Variants in STEAP1B observed in about 807,000 individuals in gnomAD.
The protein encoded by STEAP1B is STEAP family protein MGC87042.
STEAP1B carries 13 observed loss-of-function variants against 27.9 expected under a neutral mutation model. The observed-to-expected ratio is 0.47, with a 90% CI of 0.30 to 0.74. The LOEUF is 0.74. Among genes scored for constraint, STEAP1B ranks in the 30% least tolerant of loss-of-function variants. STEAP1B has a pLI of 0.06. For missense variants in STEAP1B, 250 were observed against 298.7 expected (o/e 0.84, Z 1.20); for synonymous variants, 86 against 107.1 (o/e 0.80, Z 1.22).
At position 22,419,907 on chromosome 7, in the gene STEAP1B, T is replaced by C. The variant is rs932564243; in HGVS notation, c.763-71A>G. 13 of 1,468,942 alleles carry C rather than the reference T, an allele frequency of 8.8e-6. No individual in the cohort carries two copies. The African/African-American group carries it at 1.1e-4, about 13-fold the overall frequency. 91.0% of individuals were successfully genotyped at this position (1,468,942 alleles called of 1,614,324 possible). A position where few individuals can be genotyped will look rare whatever the true frequency, so the allele number is the denominator to read the frequency against. ...CTATCACTATATTAATTTGCGTCCA[T>C]TTTATTATGGAAAACATGAGAAATT... On this transcript the variant is annotated intron_variant, in intron 4 of 4. Coordinates refer to ENST00000678116, the MANE Select transcript of STEAP1B (RefSeq NM_001382447.1).
At chr7:22,433,777 T>G (rs1309973237) in intron 4 of STEAP1B, among the ~76,000 whole-genome samples, 1 of 152,214 alleles carries the variant, frequency 6.6e-6, no homozygotes, top group Non-Finnish European at 1.5e-5. Flanking sequence ...GTCCTTGAAC[T>G]GGTATAACTG....
At chr7:22,439,427 G>A (rs1392758653) in intron 4 of STEAP1B, among the ~76,000 whole-genome samples, 1 of 151,926 alleles carries the variant, frequency 6.6e-6, no homozygotes, top group Non-Finnish European at 1.5e-5. Context: ...TAGTTCCAAT[G>A]AAGATTTTTT....
At chr7:22,429,996 G>A (rs926063240) in intron 4 of STEAP1B, among the ~76,000 whole-genome samples, 1 of 152,114 alleles carries the variant, frequency 6.6e-6, no homozygotes, top group African/African-American at 2.4e-5. Flanking sequence ...TACCCTTGAG[G>A]GCAGAGGGCA....
intron 4 of STEAP1B, among the ~76,000 whole-genome samples, chr7:22,448,463 C>G (rs763510693): frequency 1.3e-5 from 2 of 152,006 alleles, no homozygotes; most frequent in African/African-American, 2.4e-5. Context: ...AGGGACCTCA[C>G]GCTTAAAAAT....
intron 4 of STEAP1B, among the ~76,000 whole-genome samples, chr7:22,469,056 G>A (rs1032025331): frequency 2.0e-5 from 3 of 152,068 alleles, no homozygotes; most frequent in Non-Finnish European, 4.4e-5. Context: ...TCCAGAAGAA[G>A]GAATTTTTAT....
At chr7:22,490,621 T>G (rs1786305274) in intron 4 of STEAP1B, among the ~76,000 whole-genome samples, 1 of 152,228 alleles carries the variant, frequency 6.6e-6, no homozygotes, top group Non-Finnish European at 1.5e-5. Context: ...GCACAACACC[T>G]AGGAGTGTTT....
intron 4 of STEAP1B, among the ~76,000 whole-genome samples, chr7:22,477,793 C>T (rs1416367846): frequency 1.3e-5 from 2 of 151,982 alleles, no homozygotes; most frequent in African/African-American, 4.8e-5. Context: ...GAAAAGTTAA[C>T]TTAAAAAGGC....
At chr7:22,469,998 G>A (rs900829022) in intron 4 of STEAP1B, among the ~76,000 whole-genome samples, 1 of 152,180 alleles carries the variant, frequency 6.6e-6, no homozygotes, top group African/African-American at 2.4e-5. Context: ...AAAGAGGTGT[G>A]CATAGACATA....
intron 3 of STEAP1B, 147 bp downstream of exon 3, chr7:22,493,177 G>T (rs1342903253): frequency 5.8e-6 from 6 of 1,035,634 alleles, no homozygotes; most frequent in Non-Finnish European, 8.1e-6. Context: ...AAGCCCTAGT[G>T]TAATTATAAG....
At chr7:22,472,181 A>T (rs985992462) in intron 4 of STEAP1B, among the ~76,000 whole-genome samples, 1 of 152,238 alleles carries the variant, frequency 6.6e-6, no homozygotes, top group Non-Finnish European at 1.5e-5. Flanking sequence ...TCCAGACATT[A>T]GGCCAACTTA....
intron 4 of STEAP1B, among the ~76,000 whole-genome samples, chr7:22,475,924 C>G (rs142403446): frequency 3.7e-4 from 57 of 152,322 alleles, no homozygotes; most frequent in Middle Eastern, 3.4e-3. Context: ...GTTCTCCTGT[C>G]CAGCCCACCA....
chr7:22,450,123 C>G (rs1183241937), intron 4 of STEAP1B, among the ~76,000 whole-genome samples: 2 of 152,084 alleles, frequency 1.3e-5, no homozygotes, highest in Non-Finnish European at 2.9e-5. Context: ...AGTACAGAAG[C>G]TTTTTAACTT....
intron 4 of STEAP1B, among the ~76,000 whole-genome samples, chr7:22,444,568 G>A (rs564123108): frequency 1.1e-4 from 17 of 152,162 alleles, no homozygotes; most frequent in Non-Finnish European, 2.2e-4. Flanking sequence ...ATGTCCCATC[G>A]GCTGCCCGGG....
chr7:22,436,646 T>C (rs753773791), intron 4 of STEAP1B, among the ~76,000 whole-genome samples: 6 of 151,648 alleles, frequency 4.0e-5, no homozygotes, highest in Non-Finnish European at 7.4e-5. Flanking sequence ...ACATGTGGTA[T>C]TTGGTTTTCT....
intron 4 of STEAP1B, among the ~76,000 whole-genome samples, chr7:22,421,881 A>G (rs1037119582): frequency 2.0e-5 from 3 of 152,336 alleles, no homozygotes; most frequent in East Asian, 3.9e-4. Flanking sequence ...CTTTCAATGT[A>G]TACCCCACTT....
At chr7:22,465,826 A>C (rs1785768833) in intron 4 of STEAP1B, among the ~76,000 whole-genome samples, 1 of 152,128 alleles carries the variant, frequency 6.6e-6, no homozygotes, top group Admixed American at 6.5e-5. Flanking sequence ...GGATGAGATA[A>C]CCGCATGGCC....
At chr7:22,494,337 G>A (rs1175184926) in intron 2 of STEAP1B, among the ~76,000 whole-genome samples, 1 of 151,810 alleles carries the variant, frequency 6.6e-6, no homozygotes, top group Non-Finnish European at 1.5e-5. Context: ...ACAGTGAATC[G>A]TCAATTTACT....
At chr7:22,461,975 G>A (rs1017137969) in intron 4 of STEAP1B, among the ~76,000 whole-genome samples, 1 of 152,186 alleles carries the variant, frequency 6.6e-6, no homozygotes, top group Non-Finnish European at 1.5e-5. Flanking sequence ...CGTAGTAAAC[G>A]CTTGGTAATA....
intron 4 of STEAP1B, among the ~76,000 whole-genome samples, chr7:22,442,821 A>T (rs1785354457): frequency 6.6e-6 from 1 of 152,208 alleles, no homozygotes; most frequent in South Asian, 2.1e-4. Context: ...AGGACTTGGC[A>T]GTGCTCCCAG....
Sources: gnomAD v4.1 joint callset for allele counts (sites outside exome capture counted in the v4.1 genomes callset) on GRCh38, gnomAD v4.1.1 for gene constraint, MANE v1.5 for transcripts, NCBI Gene and HGNC (gene_info 2026-07-23, HGNC 2026-07-21) for gene names.